WDFY4: variants seen among roughly 807,000 people sequenced by gnomAD.
The protein encoded by WDFY4 is WDFY family member 4.
In WDFY4, 169 loss-of-function variants were observed where a neutral mutation model predicts 351.9. The observed-to-expected ratio is 0.48, with a 90% CI of 0.42 to 0.55. The LOEUF (loss-of-function observed/expected upper bound fraction) is 0.55, where lower values mean the gene tolerates loss of function less well. Among genes scored for constraint, WDFY4 ranks in the 20% least tolerant of loss-of-function variants. The probability of loss-of-function intolerance (pLI) is 0.00; values close to 1 mark genes in which losing one functional copy is unlikely to be tolerated. For missense variants in WDFY4, 3,803 were observed against 3,935.6 expected (o/e 0.97, Z 0.90); for synonymous variants, 1,622 against 1,574.6 (o/e 1.03, Z -0.71).
intron 1 of WDFY4, among the ~76,000 whole-genome samples, chr10:48,685,649 T>C (rs925510823): frequency 6.6e-6 from 1 of 152,182 alleles, no homozygotes; most frequent in Non-Finnish European, 1.5e-5. Context: ...CTGATTCTTC[T>C]TTTCCCCTGA....
intron 9 of WDFY4, among the ~76,000 whole-genome samples, chr10:48,731,778 A>C (rs1373448717): frequency 6.6e-6 from 1 of 152,242 alleles, no homozygotes; most frequent in Non-Finnish European, 1.5e-5. Context: ...GGGCTAACTC[A>C]GGCCTTGTGA....
chr10:48,981,909 G>A (rs986272692), intron 61 of WDFY4, among the ~76,000 whole-genome samples: 6 of 152,170 alleles, frequency 3.9e-5, no homozygotes, highest in African/African-American at 1.2e-4. Context: ...CATCAGTCCC[G>A]ACACTTCATA....
chr10:48,812,453 G>C (rs2132931036), intron 30 of WDFY4, among the ~76,000 whole-genome samples: 1 of 152,182 alleles, frequency 6.6e-6, no homozygotes, highest in South Asian at 2.1e-4. Context: ...GCCTCCCAAA[G>C]TGCTGGGATT....
rs577232591 is a variant in WDFY4, at chr10:48,755,672, A to G, written c.2460-4675A>G. 7.4e-4 allele frequency among the ~76,000 whole-genome samples: 113 copies of G among 152,208 alleles called. 1 individual carries two copies. The highest frequency in any genetic ancestry group is 1.3e-3 in the Non-Finnish European group (91 of 67,958). The stretch of plus-strand genomic sequence containing the variant: ...AACTTTGTAAAAACTGCTTAGCCAT[A>G]TTTATATATGTCTTTGGACACTATT... On this transcript the variant is annotated intron_variant, in intron 12 of 61. Transcript: ENST00000325239.
intron 47 of WDFY4, among the ~76,000 whole-genome samples, chr10:48,922,884 T>C (rs1839218382): frequency 6.6e-6 from 1 of 152,280 alleles, no homozygotes; most frequent in African/African-American, 2.4e-5. Flanking sequence ...GATTAGGGGT[T>C]GGGGAAAGGC....
intron 47 of WDFY4, among the ~76,000 whole-genome samples, chr10:48,932,811 G>A (rs189899968): frequency 6.4e-4 from 97 of 152,218 alleles, no homozygotes; most frequent in African/African-American, 2.3e-3. Flanking sequence ...TGGGTGGGGA[G>A]GTCCTTTCTG....
chr10:48,975,241 C>T, intron 58 of WDFY4, 200 bp downstream of exon 58: 3 of 723,048 alleles, frequency 4.1e-6, no homozygotes, highest in Admixed American at 4.6e-5. Context: ...TACTTTCCTC[C>T]CTCTGGTGTT....
At position 48,832,720 on chromosome 10, in the gene WDFY4, A is replaced by T; in HGVS notation, c.6663+11A>T. On this transcript the variant is annotated intron_variant, in intron 39 of 61. Coordinates refer to ENST00000325239, the MANE Select transcript of WDFY4 (RefSeq NM_001394531.1). ...GAGTGCAAGACAGAGGTGAGCCCAG[A>T]CCCCTTTTCCTCAGAAAAGTATCAG... is the stretch of plus-strand genomic sequence containing the variant. 1 of 1,513,384 alleles carries T rather than the reference A, an allele frequency of 6.6e-7. No homozygotes were observed. The highest frequency in any genetic ancestry group is 8.9e-7 in the Non-Finnish European group (1 of 1,125,338). The allele number at this position is 1,513,384 out of a possible 1,614,324, so 93.7% of individuals were successfully genotyped here. A position where few individuals can be genotyped will look rare whatever the true frequency, so the allele number is the denominator to read the frequency against.
intron 47 of WDFY4, among the ~76,000 whole-genome samples, chr10:48,919,796 T>C (rs1709096084): frequency 6.6e-6 from 1 of 152,198 alleles, no homozygotes; most frequent in South Asian, 2.1e-4. Context: ...AGAGTTTCAA[T>C]ACAGATTTTT....
rs1840332063 is a variant in WDFY4 at position 48,935,918 on chromosome 10, T to G, written c.7587-5888T>G. On this transcript the variant is annotated intron_variant, in intron 47 of 61. Coordinates refer to ENST00000325239, the MANE Select transcript of WDFY4 (RefSeq NM_001394531.1). ...CATCTATGGTCTTTTTTTTTTCAGT[T>G]TTTTTCTTACATTAAATTTCCAGAA... 2.0e-5 allele frequency among the ~76,000 whole-genome samples: 3 copies of G among 151,270 alleles called. No homozygotes were observed. The South Asian group carries it at 6.3e-4, about 32-fold the overall frequency.
chr10:48,931,096 AACACACACAC>A (rs10598078), intron 47 of WDFY4, among the ~76,000 whole-genome samples: 110,390 of 150,254 alleles, frequency 0.73, 42,905 homozygotes, highest in East Asian at 0.98. Flanking sequence ...CTCACACTCA[AACACACACAC>A]ACACACACAC....
At chr10:48,711,868 T>G (rs775129386) in intron 2 of WDFY4, among the ~76,000 whole-genome samples, 19 of 152,170 alleles carry the variant, frequency 1.2e-4, no homozygotes, top group Non-Finnish European at 2.5e-4. Flanking sequence ...TAATTTATCT[T>G]GAAAATTTTG....
chr10:48,902,923 A>G (rs1837431498), intron 47 of WDFY4, among the ~76,000 whole-genome samples: 1 of 152,142 alleles, frequency 6.6e-6, no homozygotes, highest in African/African-American at 2.4e-5. Flanking sequence ...CAGCCTGGCC[A>G]ACATGGTGAA....
At position 48,778,831 on chromosome 10, in the gene WDFY4, G is replaced by A; in HGVS notation, c.3396G>A (p.Leu1132=). ...CAGAAGAGAAGGAGTTTCAGCCTCT[G>A]GGTAAGGTGCTGGGATCCAAAGCCA... is the stretch of plus-strand genomic sequence containing the variant. ...VSTEEKEFQP[L]DVMEPEDDSE... The change falls in exon 18 of 62, where the codon CTG becomes CTA. Residue 1132 remains leucine (L), a splice_region_variant and synonymous_variant. Coordinates refer to ENST00000325239, the MANE Select transcript of WDFY4 (RefSeq NM_001394531.1). 1 of 1,549,726 alleles carries A rather than the reference G, an allele frequency of 6.5e-7. No homozygotes were observed. Among genetic ancestry groups the A allele is most frequent in the Non-Finnish European group, 8.7e-7 (1 of 1,147,026 alleles).
At position 48,966,690 on chromosome 10, in the gene WDFY4, G is replaced by A. The variant is rs1008335687; in HGVS notation, c.8584+17G>A. The A allele has an allele frequency of 6.5e-7, 1 of 1,549,728 alleles. No individual in the cohort carries two copies. Among genetic ancestry groups the A allele is most frequent in the Non-Finnish European group, 8.7e-7 (1 of 1,145,918 alleles). ...CGGTCAAAGGTGATTCCCTGGCCATGCATTGTTTGGTGTCCTGTCCCAGGG... is the reference window on the plus strand; with the variant it reads ...CGGTCAAAGGTGATTCCCTGGCCATACATTGTTTGGTGTCCTGTCCCAGGG... On this transcript the variant is annotated intron_variant, in intron 55 of 61. Transcript: ENST00000325239.
Position 48,767,212 on chromosome 10 carries a change from A to G in WDFY4, c.2553+6772A>G, listed in dbSNP as rs577252517. ...AACCCTTTTAAGTCTCAGTGTTCTC[A>G]TCTGCAAAATGGGTGTGATGATATT... is the stretch of plus-strand genomic sequence containing the variant. On this transcript the variant is annotated intron_variant, in intron 13 of 61. Coordinates refer to ENST00000325239, the MANE Select transcript of WDFY4 (RefSeq NM_001394531.1). Among the ~76,000 whole-genome samples, 5 of 152,306 alleles carry G rather than the reference A, an allele frequency of 3.3e-5. No homozygotes were observed. In the East Asian group the frequency reaches 7.7e-4, roughly 23 times the overall value.
intron 47 of WDFY4, among the ~76,000 whole-genome samples, chr10:48,929,503 C>T (rs570608077): frequency 4.6e-5 from 7 of 152,304 alleles, no homozygotes; most frequent in East Asian, 1.9e-4. Context: ...GCCTCTGCCA[C>T]GTGCCCCCTG....
At chr10:48,720,732 A>C (rs1339514847) in intron 3 of WDFY4, among the ~76,000 whole-genome samples, 1 of 152,180 alleles carries the variant, frequency 6.6e-6, no homozygotes, top group Non-Finnish European at 1.5e-5. Flanking sequence ...TGTTCAGTGG[A>C]GCTCTTGGTC....
intron 24 of WDFY4, among the ~76,000 whole-genome samples, chr10:48,799,707 A>C (rs1257337030): frequency 6.6e-6 from 1 of 151,626 alleles, no homozygotes; most frequent in African/African-American, 2.4e-5. Context: ...CATAAGGGGG[A>C]GGTTGCAGTG....
Sources: allele counts gnomAD v4.1 joint callset (sites outside exome capture counted in the v4.1 genomes callset), GRCh38; gene constraint gnomAD v4.1.1; transcripts MANE v1.5; gene names NCBI Gene and HGNC (gene_info 2026-07-23, HGNC 2026-07-21).